The following RBFOX1 variants were observed in gnomAD, a reference collection of about 807,000 sequenced individuals.
RBFOX1 encodes RNA binding fox-1 homolog 1, also known as RNA binding protein fox-1 homolog 1.
Under a neutral mutation model 57.7 loss-of-function variants are expected in RBFOX1, and 8 were observed. The ratio of observed to expected loss-of-function variants is 0.14; its 90% CI spans 0.08 to 0.25. The LOEUF (loss-of-function observed/expected upper bound fraction) is 0.25. RBFOX1 is among the 10% of genes least tolerant of loss of function. The pLI is 1.00. For synonymous variants in RBFOX1, 326 were observed against 222.4 expected, an observed-to-expected ratio of 1.47 and a Z score of -4.15; for missense variants, 611 against 548.5, an observed-to-expected ratio of 1.11 and a Z score of -1.14.
chr16:6,518,578 C>T lies in RBFOX1; in HGVS notation c.-63-136025C>T, dbSNP rs543054133. On this transcript the variant is annotated intron_variant, in intron 2 of 15. Transcript: ENST00000550418. The stretch of plus-strand genomic sequence containing the variant: ...GCACCTCCTGTGCTGGGAAAACATC[C>T]TGGGAAGGTGAAATTCAGACCACTT... 3.3e-5 allele frequency among the ~76,000 whole-genome samples: 5 copies of T among 152,274 alleles called. No individual in the cohort carries two copies. The East Asian group carries it at 7.7e-4, about 24-fold the overall frequency.
intron 4 of RBFOX1, among the ~76,000 whole-genome samples, chr16:7,227,596 G>T (rs1261565358): frequency 6.6e-6 from 1 of 152,164 alleles, no homozygotes; most frequent in Non-Finnish European, 1.5e-5. Context: ...AAGCCCGGAT[G>T]CCAGCTGCAC....
At chr16:6,252,608 GTGTTT>G (rs56211071) in intron 1 of RBFOX1, among the ~76,000 whole-genome samples, 55 of 150,332 alleles carry the variant, frequency 3.7e-4, no homozygotes, top group African/African-American at 4.6e-4. Flanking sequence ...CCATGCCAAG[GTGTTT>G]TGTTTTGTTT....
At chr16:7,006,583 A>T (rs2093314727) in intron 3 of RBFOX1, among the ~76,000 whole-genome samples, 1 of 152,014 alleles carries the variant, frequency 6.6e-6, no homozygotes, top group Admixed American at 6.6e-5. Flanking sequence ...CTGAGTAGGT[A>T]GGACTAGAGT....
intron 4 of RBFOX1, among the ~76,000 whole-genome samples, chr16:7,302,471 C>G (rs1031443592): frequency 1.3e-5 from 2 of 151,934 alleles, no homozygotes; most frequent in Non-Finnish European, 2.9e-5. Flanking sequence ...GTGGCCAGTT[C>G]CAGGGTTCTG....
chr16:6,616,981 A>G (rs141646500), intron 2 of RBFOX1, among the ~76,000 whole-genome samples: 3 of 152,142 alleles, frequency 2.0e-5, no homozygotes, highest in Admixed American at 2.0e-4. Flanking sequence ...CAGAGACCTT[A>G]TGTCCTGGCT....
At chr16:6,755,387 T>A (rs2154194472) in intron 3 of RBFOX1, among the ~76,000 whole-genome samples, 1 of 152,308 alleles carries the variant, frequency 6.6e-6, no homozygotes, top group South Asian at 2.1e-4. Context: ...TTTTTAATGA[T>A]TGCCATTCTA....
intron 14 of RBFOX1, chr16:7,693,432 T>TTC (rs2077834526): frequency 1.1e-5 from 14 of 1,296,644 alleles, no homozygotes; most frequent in South Asian, 3.9e-5. Flanking sequence ...TTTTTTTTTT[T>TTC]TTCTTCTTCA....
In RBFOX1 at chr16:7,289,435, A is replaced by T. The variant is rs578040866; in HGVS notation, c.28-228712A>T. ...CATTATCATCATCACCATCACCATC[A>T]TCATTACCATCATCATCAGCAAGAG... On this transcript the variant is annotated intron_variant, in intron 4 of 15. Coordinates refer to ENST00000550418, the MANE Select transcript of RBFOX1 (RefSeq NM_018723.4). Among the ~76,000 whole-genome samples, 16 of 152,268 alleles carry T rather than the reference A, an allele frequency of 1.1e-4. No individual in the cohort carries two copies. In the East Asian group the frequency reaches 3.1e-3, roughly 29 times the overall value.
At chr16:5,859,587 C>T (rs1003218128) in intron 3 of RBFOX1, among the ~76,000 whole-genome samples, 4 of 152,114 alleles carry the variant, frequency 2.6e-5, no homozygotes, top group Non-Finnish European at 4.4e-5. Context: ...AGAAAGTTTA[C>T]AGTGGAAAAT....
chr16:5,627,094 T>C (rs1023698237), intron 3 of RBFOX1, among the ~76,000 whole-genome samples: 1 of 152,222 alleles, frequency 6.6e-6, no homozygotes, highest in East Asian at 1.9e-4. Context: ...ATTTAAGCCC[T>C]CAAATCTATT....
At chr16:6,040,174 T>C (rs1685086521) in intron 1 of RBFOX1, among the ~76,000 whole-genome samples, 1 of 152,260 alleles carries the variant, frequency 6.6e-6, no homozygotes, top group African/African-American at 2.4e-5. Context: ...TGCATGATTC[T>C]ATATTTTTAA....
At chr16:7,062,040 G>A (rs566720132) in intron 4 of RBFOX1, among the ~76,000 whole-genome samples, 81 of 152,162 alleles carry the variant, frequency 5.3e-4, no homozygotes, top group South Asian at 1.0e-3. Flanking sequence ...CAACGAGGCC[G>A]GGTGTGGTGG....
chr16:7,344,711 C>T (rs1333996380), intron 4 of RBFOX1, among the ~76,000 whole-genome samples: 1 of 152,160 alleles, frequency 6.6e-6, no homozygotes. Flanking sequence ...AACTGAGGCT[C>T]AGCAAAGTGG....
At chr16:6,076,256 G>T (rs2095897992) in intron 1 of RBFOX1, among the ~76,000 whole-genome samples, 1 of 151,406 alleles carries the variant, frequency 6.6e-6, no homozygotes, top group Non-Finnish European at 1.5e-5. Flanking sequence ...CCGAGATTGT[G>T]CCATTCCACT....
chr16:6,585,765 C>A (rs1265204695), intron 2 of RBFOX1, among the ~76,000 whole-genome samples: 2 of 138,644 alleles, frequency 1.4e-5, no homozygotes, highest in East Asian at 2.1e-4. Context: ...GTCATCACAG[C>A]AAAACTAATT....
intron 1 of RBFOX1, among the ~76,000 whole-genome samples, chr16:5,269,182 G>T (rs1462274764): frequency 6.6e-6 from 1 of 152,250 alleles, no homozygotes; most frequent in Admixed American, 6.5e-5. Context: ...CTCCCAAAGT[G>T]CTGGGATTAC....
At chr16:6,172,792 C>A (rs960353869) in intron 1 of RBFOX1, among the ~76,000 whole-genome samples, 8 of 152,174 alleles carry the variant, frequency 5.3e-5, no homozygotes, top group African/African-American at 1.9e-4. Flanking sequence ...TTTATTGCTG[C>A]TATAACAGAT....
chr16:5,588,441 G>A (rs988231472), intron 2 of RBFOX1, among the ~76,000 whole-genome samples: 2 of 152,208 alleles, frequency 1.3e-5, no homozygotes, highest in Non-Finnish European at 2.9e-5. Flanking sequence ...TAGCTGTGGG[G>A]TCATGTATTG....
At chr16:7,303,386 A>T (rs1462077054) in intron 4 of RBFOX1, among the ~76,000 whole-genome samples, 1 of 151,982 alleles carries the variant, frequency 6.6e-6, no homozygotes, top group Admixed American at 6.5e-5. Context: ...TTCTGTGTTT[A>T]TTTGGCAAGG....
Sources: gnomAD v4.1 joint callset for allele counts (sites outside exome capture counted in the v4.1 genomes callset) on GRCh38, gnomAD v4.1.1 for gene constraint, MANE v1.5 for transcripts, NCBI Gene and HGNC (gene_info 2026-07-23, HGNC 2026-07-21) for gene names.